The following LMNTD1 variants were observed in gnomAD, a reference collection of about 807,000 sequenced individuals.
LMNTD1 encodes the protein lamin tail domain containing 1.
A neutral mutation model predicts 50.9 loss-of-function variants in LMNTD1; 35 were observed. The ratio of observed to expected loss-of-function variants is 0.69; its 90% CI spans 0.53 to 0.91. The LOEUF is 0.91. Among genes scored for constraint, LMNTD1 ranks in the 40% least tolerant of loss-of-function variants. The pLI, the probability that LMNTD1 is intolerant of heterozygous loss-of-function variation, is 0.00. For missense variants in LMNTD1, 470 were observed against 475.5 expected, an observed-to-expected ratio of 0.99 and a Z score of 0.11; for synonymous variants, 153 against 161.9, an observed-to-expected ratio of 0.94 and a Z score of 0.42.
chr12:25,621,671 T>C (rs1946476073), intron 1 of LMNTD1, among the ~76,000 whole-genome samples: 1 of 152,210 alleles, frequency 6.6e-6, no homozygotes, highest in African/African-American at 2.4e-5. Context: ...CATTTGTTTG[T>C]ACCTTAAACA....
intron 1 of LMNTD1, among the ~76,000 whole-genome samples, chr12:25,562,482 G>A (rs1031013420): frequency 6.6e-6 from 1 of 152,244 alleles, no homozygotes; most frequent in Non-Finnish European, 1.5e-5. Context: ...CTTCTGGCTT[G>A]GAGAGTTTCT....
chr12:25,594,446 T>C (rs930655547), intron 1 of LMNTD1, among the ~76,000 whole-genome samples: 7 of 152,040 alleles, frequency 4.6e-5, no homozygotes, highest in Admixed American at 2.0e-4. Flanking sequence ...GCCAAGAATT[T>C]TGTATCCAGT....
chr12:25,647,685 C>T lies in LMNTD1; in HGVS notation c.58+809G>A, dbSNP rs146526975. ...CCAGTTGAATAAATACATGAATACA[C>T]CAATTACTAATTCATCATCTTCTGA... On this transcript the variant is annotated intron_variant, in intron 1 of 7. Coordinates refer to the LMNTD1 transcript ENST00000445693. 2.9e-3 allele frequency among the ~76,000 whole-genome samples: 446 copies of T among 152,230 alleles called. 2 individuals carry two copies. Among genetic ancestry groups the T allele is most frequent in the African/African-American group, 0.01 (429 of 41,534 alleles).
At chr12:25,647,319 C>A (rs181565999) in intron 1 of LMNTD1, among the ~76,000 whole-genome samples, 10 of 152,108 alleles carry the variant, frequency 6.6e-5, no homozygotes, top group African/African-American at 1.7e-4. Context: ...CCTATCTCTA[C>A]CAAAAATACA....
chr12:25,525,849 T>C (rs1238301286), intron 6 of LMNTD1, among the ~76,000 whole-genome samples: 1 of 152,108 alleles, frequency 6.6e-6, no homozygotes, highest in African/African-American at 2.4e-5. Context: ...TAATGAGTGC[T>C]CTTCCATTTG....
intron 9 of LMNTD1, among the ~76,000 whole-genome samples, chr12:25,496,147 C>T (rs1939056940): frequency 1.3e-5 from 2 of 152,172 alleles, no homozygotes; most frequent in African/African-American, 4.8e-5. Context: ...TTACATACCA[C>T]TTGTTTCACG....
chr12:25,510,760 A>T (rs1591852841), intron 8 of LMNTD1, among the ~76,000 whole-genome samples: 1 of 152,202 alleles, frequency 6.6e-6, no homozygotes, highest in East Asian at 1.9e-4. Context: ...ATGAGATGTC[A>T]TTTAAAAATC....
At chr12:25,597,855 T>C (rs1054620174) in intron 1 of LMNTD1, among the ~76,000 whole-genome samples, 1 of 152,142 alleles carries the variant, frequency 6.6e-6, no homozygotes, top group Non-Finnish European at 1.5e-5. Flanking sequence ...TTGGAAATTA[T>C]ACAAATACAT....
chr12:25,477,879 A>T (rs990696782), intron 9 of LMNTD1, among the ~76,000 whole-genome samples: 5 of 152,084 alleles, frequency 3.3e-5, no homozygotes, highest in Non-Finnish European at 7.4e-5. Flanking sequence ...CCCACAATAT[A>T]GGCTGTCTGG....
At chr12:25,530,853 T>G (rs1400382689) in intron 4 of LMNTD1, among the ~76,000 whole-genome samples, 2 of 152,238 alleles carry the variant, frequency 1.3e-5, no homozygotes, top group African/African-American at 4.8e-5. Flanking sequence ...TTATGAATGT[T>G]AAGACAGGGA....
chr12:25,503,303 G>A (rs377600544), intron 9 of LMNTD1, among the ~76,000 whole-genome samples: 2 of 152,158 alleles, frequency 1.3e-5, no homozygotes, highest in African/African-American at 4.8e-5. Flanking sequence ...CTCATTAAAT[G>A]ATACAATATC....
chr12:25,523,449 T>A (rs1391132873), intron 6 of LMNTD1, among the ~76,000 whole-genome samples: 1 of 152,222 alleles, frequency 6.6e-6, no homozygotes, highest in Non-Finnish European at 1.5e-5. Flanking sequence ...TGGCTATTAT[T>A]TTAGACAGTA....
intron 1 of LMNTD1, among the ~76,000 whole-genome samples, chr12:25,640,994 T>C (rs1013019212): frequency 2.6e-5 from 4 of 152,216 alleles, no homozygotes; most frequent in Admixed American, 2.6e-4. Flanking sequence ...TTGAAGTATA[T>C]TTAGTTTTCT....
rs1288267040 is a variant in LMNTD1, at chr12:25,482,178, C to T, written c.*23-5718G>A. On this transcript the variant is annotated intron_variant, in intron 9 of 9. Coordinates refer to ENST00000458174, the MANE Select transcript of LMNTD1 (RefSeq NM_001145728.2). ...ACAATTGCTGTCATCAGCATGTACA[C>T]ATTTGAAAGTTATGAGGTAAAGTGA... Among the ~76,000 whole-genome samples the T allele has an allele frequency of 2.6e-5, 4 of 151,998 alleles. 1 individual carries two copies. The highest frequency in any genetic ancestry group is 9.7e-5 in the African/African-American group (4 of 41,252).
rs1565964078 is a variant in LMNTD1 at position 25,520,173 on chromosome 12, TATAG to T, written c.799-102_799-99del. On this transcript the variant is annotated intron_variant, in intron 6 of 9. Coordinates refer to ENST00000458174, the MANE Select transcript of LMNTD1 (RefSeq NM_001145728.2). ...ATATATATATATATATATATATATA[TATAG>T]TAAAATGGTTACTATGGTGGAGCAA... is the stretch of plus-strand genomic sequence containing the variant. The T allele has an allele frequency of 2.7e-3, 597 of 220,750 alleles. 4 individuals are homozygous for T. The highest frequency in any genetic ancestry group is 3.6e-3 in the Non-Finnish European group (427 of 117,118). The allele number at this position is 220,750 out of a possible 1,614,324, so 13.7% of individuals were successfully genotyped here. A position where few individuals can be genotyped will look rare whatever the true frequency, so the allele number is the denominator to read the frequency against.
At chr12:25,502,602 A>C (rs1402245762) in intron 9 of LMNTD1, among the ~76,000 whole-genome samples, 4 of 152,210 alleles carry the variant, frequency 2.6e-5, no homozygotes, top group Non-Finnish European at 5.9e-5. Flanking sequence ...TTCAGACTGC[A>C]GTTTCTTTTG....
chr12:25,515,891 T>C (rs574867295), intron 8 of LMNTD1, among the ~76,000 whole-genome samples: 31 of 152,174 alleles, frequency 2.0e-4, no homozygotes, highest in Non-Finnish European at 4.1e-4. Flanking sequence ...TTAGGGTAAA[T>C]GGAGCAGGAT....
intron 1 of LMNTD1, among the ~76,000 whole-genome samples, chr12:25,622,504 T>C (rs1256330708): frequency 2.8e-5 from 4 of 142,014 alleles, no homozygotes; most frequent in Non-Finnish European, 6.1e-5. Flanking sequence ...TCATTGGCTT[T>C]TATCCACATT....
intron 8 of LMNTD1, among the ~76,000 whole-genome samples, chr12:25,516,308 A>G (rs1940767726): frequency 6.6e-6 from 1 of 152,232 alleles, no homozygotes; most frequent in South Asian, 2.1e-4. Flanking sequence ...CTACTACAAA[A>G]TATGCACATA....
Sources: allele counts gnomAD v4.1 joint callset (sites outside exome capture counted in the v4.1 genomes callset), GRCh38; gene constraint gnomAD v4.1.1; transcripts MANE v1.5; gene names NCBI Gene and HGNC (gene_info 2026-07-23, HGNC 2026-07-21).